The following ACACA variants were observed in gnomAD, a reference collection of about 807,000 sequenced individuals.
The protein encoded by ACACA is acetyl-CoA carboxylase 1.
Under a neutral mutation model 296.1 loss-of-function variants are expected in ACACA, and 103 were observed. The observed-to-expected ratio is 0.35, with a 90% CI of 0.30 to 0.41. ACACA has a LOEUF of 0.41. Among genes scored for constraint, ACACA ranks in the 10% least tolerant of loss-of-function variants. ACACA has a pLI of 1.00. For synonymous variants in ACACA, 953 were observed against 1,038.6 expected (o/e 0.92, Z 1.58); for missense variants, 1,554 against 2,989.7 (o/e 0.52, Z 11.20).
chr17:37,342,926 TCAAAAA>T (rs1343561032), intron 1 of ACACA, among the ~76,000 whole-genome samples: 5 of 151,936 alleles, frequency 3.3e-5, no homozygotes, highest in Non-Finnish European at 2.9e-5. Flanking sequence ...AGATTTTGTC[TCAAAAA>T]CAAAAACAAA....
intron 52 of ACACA, among the ~76,000 whole-genome samples, chr17:37,104,070 G>T (rs183860206): frequency 2.0e-5 from 3 of 152,224 alleles, no homozygotes; most frequent in Admixed American, 6.5e-5. Context: ...GGAAGAAGAA[G>T]AATTATCTTG....
At chr17:37,234,884 T>G in intron 25 of ACACA, 91 bp downstream of exon 25, 1 of 1,442,488 alleles carries the variant, frequency 6.9e-7, no homozygotes, top group South Asian at 1.2e-5. Context: ...AAGGCAGTAG[T>G]TTTTTTTCTC....
At chr17:37,401,157 T>C (rs1263698491) in intron 1 of ACACA, among the ~76,000 whole-genome samples, 1 of 152,078 alleles carries the variant, frequency 6.6e-6, no homozygotes, top group Non-Finnish European at 1.5e-5. Context: ...TTTTTTCACA[T>C]ACCAGTTAGC....
intron 5 of ACACA, among the ~76,000 whole-genome samples, chr17:37,279,407 G>A (rs2082406110): frequency 6.6e-6 from 1 of 151,954 alleles, no homozygotes; most frequent in African/African-American, 2.4e-5. Context: ...GGCTGAGGTG[G>A]GCGGATCACG....
At chr17:37,387,556 C>T (rs2050598881) in intron 1 of ACACA, 1 of 151,986 alleles carries the variant, frequency 6.6e-6, no homozygotes, top group South Asian at 2.1e-4. Flanking sequence ...AAGAAATTCT[C>T]CTGCCTCAGC....
At chr17:37,306,187 C>A (rs895071146) in intron 3 of ACACA, among the ~76,000 whole-genome samples, 3 of 152,076 alleles carry the variant, frequency 2.0e-5, no homozygotes, top group African/African-American at 4.8e-5. Context: ...GGATTACAGG[C>A]GTGAGCCACT....
chr17:37,244,944 A>G, intron 20 of ACACA, 136 bp downstream of exon 20: 1 of 1,400,954 alleles, frequency 7.1e-7, no homozygotes, highest in Non-Finnish European at 1.0e-6. Context: ...TACAGGCACA[A>G]ATACAAGGCA....
intron 3 of ACACA, chr17:37,301,307 C>T (rs1489149593): frequency 1.2e-6 from 1 of 853,866 alleles, no homozygotes; most frequent in Non-Finnish European, 1.4e-6. Flanking sequence ...AAATAAAAAG[C>T]CACATTCATT....
intron 5 of ACACA, among the ~76,000 whole-genome samples, chr17:37,278,362 C>T (rs995490815): frequency 2.0e-5 from 3 of 152,150 alleles, no homozygotes; most frequent in Non-Finnish European, 4.4e-5. Flanking sequence ...GTCCTGACAT[C>T]CTTTGTCTTT....
At chr17:37,293,965 A>C (rs971301256) in intron 3 of ACACA, among the ~76,000 whole-genome samples, 1 of 152,224 alleles carries the variant, frequency 6.6e-6, no homozygotes, top group Non-Finnish European at 1.5e-5. Context: ...CTATCATTTA[A>C]AGTTAGTTAT....
chr17:37,349,587 C>T (rs1414646076), intron 1 of ACACA, among the ~76,000 whole-genome samples: 2 of 144,090 alleles, frequency 1.4e-5, no homozygotes, highest in Non-Finnish European at 3.0e-5. Context: ...GACAGAGTCT[C>T]GCTCTGTTGC....
chr17:37,253,829 A>T (rs2081104277), intron 14 of ACACA, among the ~76,000 whole-genome samples: 1 of 152,166 alleles, frequency 6.6e-6, no homozygotes, highest in Non-Finnish European at 1.5e-5. Flanking sequence ...CCAAGTGCTT[A>T]ATTTAAAGAT....
intron 45 of ACACA, chr17:37,141,548 T>C (rs751872991): frequency 5.4e-6 from 1 of 184,710 alleles, no homozygotes; most frequent in Non-Finnish European, 1.1e-5. Context: ...GATTATAGGA[T>C]TACCACGCCA....
intron 23 of ACACA, among the ~76,000 whole-genome samples, chr17:37,241,131 G>A (rs1449471916): frequency 6.6e-6 from 1 of 152,048 alleles, no homozygotes; most frequent in Admixed American, 6.6e-5. Flanking sequence ...GGAGGCAGAG[G>A]TTGCAGTGAG....
intron 25 of ACACA, among the ~76,000 whole-genome samples, chr17:37,230,931 T>C (rs2079828969): frequency 6.6e-6 from 1 of 152,242 alleles, no homozygotes; most frequent in South Asian, 2.1e-4. Flanking sequence ...GTTCCAACTG[T>C]CCAGAGTCAT....
intron 35 of ACACA, among the ~76,000 whole-genome samples, chr17:37,197,100 C>T (rs1170687351): frequency 2.6e-5 from 4 of 152,148 alleles, no homozygotes; most frequent in African/African-American, 7.2e-5. Context: ...GCAGTGTCAA[C>T]GGACTAGGGT....
intron 1 of ACACA, among the ~76,000 whole-genome samples, chr17:37,342,406 CAAAAAAAAAAAAAAAAAA>C (rs1173872959): frequency 4.7e-5 from 1 of 21,110 alleles, no homozygotes; most frequent in African/African-American, 1.7e-4. Flanking sequence ...GACTGTCTCT[CAAAAAAAAAAAAAAAAAA>C]AAAAAAAAAA....
At chr17:37,363,477 G>A (rs1352207516) in intron 1 of ACACA, among the ~76,000 whole-genome samples, 1 of 151,654 alleles carries the variant, frequency 6.6e-6, no homozygotes, top group Non-Finnish European at 1.5e-5. Flanking sequence ...CACTGGACCT[G>A]GCCGACTTTT....
At chr17:37,348,866 G>A (rs191265634) in intron 1 of ACACA, among the ~76,000 whole-genome samples, 2 of 150,246 alleles carry the variant, frequency 1.3e-5, no homozygotes, top group Non-Finnish European at 1.5e-5. Flanking sequence ...GGAGAATGGC[G>A]TGAACCCAGG....
Sources: gnomAD v4.1 joint callset for allele counts (sites outside exome capture counted in the v4.1 genomes callset) on GRCh38, gnomAD v4.1.1 for gene constraint, MANE v1.5 for transcripts, NCBI Gene and HGNC (gene_info 2026-07-23, HGNC 2026-07-21) for gene names.